The following ATAD2B variants were observed in gnomAD, a reference collection of about 807,000 sequenced individuals.
ATAD2B encodes ATPase family AAA domain containing 2B, also known as ATPase family AAA domain-containing protein 2B.
A neutral mutation model predicts 167.6 loss-of-function variants in ATAD2B; 40 were observed. That is an observed-to-expected ratio of 0.24 (90% CI 0.19 to 0.31). ATAD2B has a LOEUF of 0.31. Ranked by LOEUF, ATAD2B falls within the 10% of genes least tolerant of loss-of-function variation. ATAD2B has a pLI of 1.00. For synonymous variants in ATAD2B, 579 were observed against 596.5 expected, an observed-to-expected ratio of 0.97 and a Z score of 0.43; for missense variants, 1,242 against 1,757.2, an observed-to-expected ratio of 0.71 and a Z score of 5.24.
At chr2:23,923,277 A>C (rs938761240) in intron 1 of ATAD2B, among the ~76,000 whole-genome samples, 3 of 152,112 alleles carry the variant, frequency 2.0e-5, no homozygotes, top group African/African-American at 7.2e-5. Context: ...GAATGATCTC[A>C]CTTATCTGCT....
At chr2:23,890,555 A>G (rs1163061329) in intron 2 of ATAD2B, among the ~76,000 whole-genome samples, 1 of 152,214 alleles carries the variant, frequency 6.6e-6, no homozygotes, top group African/African-American at 2.4e-5. Flanking sequence ...ACCACACAGA[A>G]AAACCAACTT....
At chr2:23,917,127 A>G (rs1233846254) in intron 1 of ATAD2B, among the ~76,000 whole-genome samples, 1 of 152,268 alleles carries the variant, frequency 6.6e-6, no homozygotes, top group Non-Finnish European at 1.5e-5. Flanking sequence ...ATGTTTGCCC[A>G]CATGGCACTT....
chr2:23,770,965 G>A (rs1450778708), intron 22 of ATAD2B, among the ~76,000 whole-genome samples: 1 of 152,112 alleles, frequency 6.6e-6, no homozygotes, highest in Non-Finnish European at 1.5e-5. Flanking sequence ...CAATCCATAA[G>A]CCATGACATA....
the ATAD2B span, chr2:23,696,357 T>C: frequency 6.4e-7 from 1 of 1,551,648 alleles, no homozygotes; most frequent in Non-Finnish European, 8.7e-7. This position sits in a 1 kb window ranked among gnomAD's most constrained non-coding sequence, Gnocchi z 5.5. Flanking sequence ...GGGGTGACGC[T>C]GGCTGATGTC....
chr2:23,819,953 G>A, intron 16 of ATAD2B, 71 bp from the exon 17 acceptor site: 3 of 1,102,542 alleles, frequency 2.7e-6, no homozygotes, highest in East Asian at 2.6e-5. Context: ...CCAAAGCTAA[G>A]AAAAATTGGG....
rs11378615 is a variant in ATAD2B at position 23,834,152 on chromosome 2, C to CTTTTTTTTTTTTTTTT, written c.1569-90_1569-75dup. 2 of 116,806 alleles carry CTTTTTTTTTTTTTTTT rather than the reference C, an allele frequency of 1.7e-5. 1 individual carries two copies. Among genetic ancestry groups the CTTTTTTTTTTTTTTTT allele is most frequent in the Non-Finnish European group, 2.9e-5 (2 of 68,904 alleles). 7.2% of individuals were successfully genotyped at this position (116,806 alleles called of 1,614,324 possible). ...CTTACAATAACGTTTATCAGTCTTT[C>CTTTTTTTTTTTTTTTT]TTTTTTTTTTTTTTTTTTTTTTTTT... On this transcript the variant is annotated intron_variant, in intron 13 of 27. Transcript: ENST00000238789.
intron 6 of ATAD2B, chr2:23,883,574 G>A (rs557295246): frequency 8.0e-6 from 10 of 1,257,668 alleles, no homozygotes; most frequent in African/African-American, 6.2e-5. Flanking sequence ...GGCAAGAATC[G>A]CATTATAAAT....
At chr2:23,871,908 C>T (rs1022477778) in intron 8 of ATAD2B, among the ~76,000 whole-genome samples, 9 of 151,976 alleles carry the variant, frequency 5.9e-5, no homozygotes, top group Non-Finnish European at 1.0e-4. Context: ...GACAGAATCT[C>T]GCACGGTCAC....
chr2:23,696,126 C>T, the ATAD2B span: 5 of 1,551,268 alleles, frequency 3.2e-6, no homozygotes, highest in African/African-American at 1.4e-5. This position sits in a 1 kb window ranked among gnomAD's most constrained non-coding sequence, Gnocchi z 5.5. Flanking sequence ...ACAACATCTA[C>T]CTCTCAGGTG....
the ATAD2B span, chr2:23,703,598 C>A: frequency 7.9e-7 from 1 of 1,270,390 alleles, no homozygotes; most frequent in Non-Finnish European, 1.1e-6. Context: ...CATCCCCAGG[C>A]CAATCAGTCA....
chr2:23,923,055 T>C (rs1250774985), intron 1 of ATAD2B, among the ~76,000 whole-genome samples: 1 of 152,190 alleles, frequency 6.6e-6, no homozygotes, highest in East Asian at 1.9e-4. Context: ...ACATCTGCAC[T>C]TCCATGTTCG....
the ATAD2B span, chr2:23,696,613 G>A: frequency 4.2e-6 from 4 of 960,646 alleles, no homozygotes; most frequent in Admixed American, 8.4e-5. The surrounding 1 kb of genome is among the most constrained non-coding windows in gnomAD (Gnocchi z 5.5). Context: ...AGTGGCGATG[G>A]AGCAGAGCCT....
At chr2:23,854,570 C>T (rs760233576) in intron 13 of ATAD2B, among the ~76,000 whole-genome samples, 5 of 150,860 alleles carry the variant, frequency 3.3e-5, no homozygotes, top group African/African-American at 4.9e-5. Flanking sequence ...CCCAGCTACT[C>T]GGGGGGCCAA....
chr2:23,772,268 A>G (rs1678450821), intron 22 of ATAD2B, among the ~76,000 whole-genome samples: 1 of 152,210 alleles, frequency 6.6e-6, no homozygotes, highest in African/African-American at 2.4e-5. Context: ...ATAGTTGTGC[A>G]ACAATCCAAA....
Position 23,750,143 on chromosome 2 carries a change from C to T in ATAD2B, c.*1903G>A, listed in dbSNP as rs969135013. The T allele has an allele frequency of 2.6e-5, 4 of 151,966 alleles. No individual in the cohort carries two copies. The highest frequency in any genetic ancestry group is 9.7e-5 in the African/African-American group (4 of 41,372). The allele number at this position is 151,966 out of a possible 1,614,324, so 9.4% of individuals were successfully genotyped here. ...TACTAAAGAAAGCATGAAAATCCTC[C>T]CAATAATCAAATTAGAGGTTTCAAA... On this transcript the variant is annotated 3_prime_UTR_variant, in exon 28 of 28. Coordinates refer to ENST00000238789, the MANE Select transcript of ATAD2B (RefSeq NM_017552.4).
intron 10 of ATAD2B, 69 bp downstream of exon 10, chr2:23,867,766 C>T: frequency 9.1e-7 from 1 of 1,102,312 alleles, no homozygotes; most frequent in Non-Finnish European, 1.4e-6. Flanking sequence ...CTACTATGTG[C>T]TGCTTTAGAA....
intron 22 of ATAD2B, among the ~76,000 whole-genome samples, chr2:23,780,971 T>C (rs1443166554): frequency 2.0e-5 from 3 of 152,024 alleles, no homozygotes; most frequent in African/African-American, 7.2e-5. Flanking sequence ...TAAATGAATG[T>C]TTTAAAAATA....
At chr2:23,686,646 C>T in the ATAD2B span, among the ~76,000 whole-genome samples, 1 of 152,006 alleles carries the variant, frequency 6.6e-6, no homozygotes, top group Admixed American at 6.6e-5. Context: ...AGGCCAGTGT[C>T]GGGAGAGCTG....
At chr2:23,700,989 G>A in the ATAD2B span, among the ~76,000 whole-genome samples, 1 of 152,070 alleles carries the variant, frequency 6.6e-6, no homozygotes, top group African/African-American at 2.4e-5. The surrounding 1 kb of genome is among the most constrained non-coding windows in gnomAD (Gnocchi z 4.6). Flanking sequence ...TTCCAGCTTT[G>A]TGCCAGAGAT....
Sources: gnomAD v4.1 joint callset for allele counts (sites outside exome capture counted in the v4.1 genomes callset) on GRCh38, gnomAD v4.1.1 for gene constraint, Gnocchi (gnomAD v3.1) non-coding constraint, MANE v1.5 for transcripts, NCBI Gene and HGNC (gene_info 2026-07-23, HGNC 2026-07-21) for gene names.